Variants in AXDND1 observed in about 807,000 individuals in gnomAD.
AXDND1 encodes axonemal dynein light chain domain containing 1, also known as axonemal dynein light chain domain-containing protein 1.
AXDND1 carries 110 observed loss-of-function variants against 137.5 expected under a neutral mutation model. The ratio of observed to expected loss-of-function variants is 0.80; its 90% CI spans 0.69 to 0.94. AXDND1 has a LOEUF of 0.94. Among genes scored for constraint, AXDND1 ranks in the 40% least tolerant of loss-of-function variants. The probability of loss-of-function intolerance (pLI) is 0.00; values close to 1 mark genes in which losing one functional copy is unlikely to be tolerated. For synonymous variants in AXDND1, 414 were observed against 399.7 expected (o/e 1.04, Z -0.43); for missense variants, 1,191 against 1,169.8 (o/e 1.02, Z -0.26).
intron 20 of AXDND1, chr1:179,507,037 T>G: frequency 2.8e-6 from 1 of 355,478 alleles, no homozygotes; most frequent in Non-Finnish European, 3.9e-6. Context: ...TAAAAGACTC[T>G]CCTGTGGCCT....
chr1:179,502,741 A>G (rs1447003980), intron 20 of AXDND1, among the ~76,000 whole-genome samples: 2 of 151,950 alleles, frequency 1.3e-5, no homozygotes, highest in African/African-American at 4.8e-5. Context: ...AAACAATTCT[A>G]TTCATCTGTC....
chr1:179,422,205 A>C, intron 12 of AXDND1, among the ~76,000 whole-genome samples: 1 of 152,006 alleles, frequency 6.6e-6, no homozygotes, highest in East Asian at 1.9e-4. Context: ...GTGCATTGTT[A>C]GGTTATTTCC....
intron 17 of AXDND1, among the ~76,000 whole-genome samples, chr1:179,479,849 C>T (rs1211962747): frequency 6.6e-6 from 1 of 152,190 alleles, no homozygotes; most frequent in Non-Finnish European, 1.5e-5. Context: ...GCTCATAGTT[C>T]CACAAATCTC....
intron 11 of AXDND1, among the ~76,000 whole-genome samples, chr1:179,398,989 G>T (rs1275410604): frequency 6.6e-6 from 1 of 152,184 alleles, no homozygotes; most frequent in Non-Finnish European, 1.5e-5. Context: ...ACACACATGG[G>T]CCAGCAAAGT....
intron 17 of AXDND1, among the ~76,000 whole-genome samples, chr1:179,471,854 C>T (rs1370423262): frequency 1.3e-5 from 2 of 151,954 alleles, no homozygotes; most frequent in African/African-American, 4.8e-5. Context: ...CTATAAATTT[C>T]CCTCTAAGGA....
At chr1:179,449,779 A>AT (rs1482198993) in intron 16 of AXDND1, 3 of 151,776 alleles carry the variant, frequency 2.0e-5, no homozygotes, top group East Asian at 1.9e-4. Flanking sequence ...GTGAATGAAG[A>AT]TTTTTTCTCA....
rs577373410 is a variant in AXDND1 at position 179,507,708 on chromosome 1, G to A, written c.2389-1588G>A. Reference sequence around the variant, plus strand: ...ATCAGGGCTTCCCCCAACTCCCTCAGAAATGGTTGTTAAACATTTACCAGG... The same window carrying A: ...ATCAGGGCTTCCCCCAACTCCCTCAAAAATGGTTGTTAAACATTTACCAGG... On this transcript the variant is annotated intron_variant, in intron 20 of 25. Coordinates refer to ENST00000367618, the MANE Select transcript of AXDND1 (RefSeq NM_144696.6). Among the ~76,000 whole-genome samples, 150 of 151,894 alleles carry A rather than the reference G, an allele frequency of 9.9e-4. 1 individual carries two copies. The highest frequency in any genetic ancestry group is 3.4e-4 in the Non-Finnish European group (23 of 67,976).
intron 10 of AXDND1, among the ~76,000 whole-genome samples, chr1:179,394,343 C>T (rs948660775): frequency 6.6e-6 from 1 of 152,150 alleles, no homozygotes; most frequent in African/African-American, 2.4e-5. Context: ...AATCCCAGCA[C>T]TTTGGGAGGC....
rs947269226 is a variant in AXDND1 at position 179,393,604 on chromosome 1, T to C, written c.864-299T>C. Among the ~76,000 whole-genome samples, 9 of 152,202 alleles carry C rather than the reference T, an allele frequency of 5.9e-5. No individual in the cohort carries two copies. The East Asian group carries it at 1.5e-3, about 26-fold the overall frequency. On this transcript the variant is annotated intron_variant, in intron 9 of 25. Coordinates refer to ENST00000367618, the MANE Select transcript of AXDND1 (RefSeq NM_144696.6). ...TATTGATTCTACCCATCCATGAACATGGGATGTGTTTCCATTTGTTTGTGT... is the reference window on the plus strand; with the variant it reads ...TATTGATTCTACCCATCCATGAACACGGGATGTGTTTCCATTTGTTTGTGT...
At chr1:179,473,343 T>G (rs12133049) in intron 17 of AXDND1, among the ~76,000 whole-genome samples, 1 of 151,466 alleles carries the variant, frequency 6.6e-6, no homozygotes, top group Non-Finnish European at 1.5e-5. Context: ...ACTAAAAATA[T>G]AAAAATTAGC....
At chr1:179,431,014 G>A (rs1657289076) in intron 14 of AXDND1, among the ~76,000 whole-genome samples, 1 of 152,194 alleles carries the variant, frequency 6.6e-6, no homozygotes, top group African/African-American at 2.4e-5. Flanking sequence ...GCAATGATTA[G>A]AGAAATCTGA....
At chr1:179,531,836 TA>T (rs1179897899) in intron 23 of AXDND1, among the ~76,000 whole-genome samples, 1 of 152,212 alleles carries the variant, frequency 6.6e-6, no homozygotes, top group Non-Finnish European at 1.5e-5. Flanking sequence ...AGACGGAGAC[TA>T]ACTGGAAGCT....
chr1:179,527,835 T>G (rs940007806), intron 22 of AXDND1, among the ~76,000 whole-genome samples: 16 of 152,140 alleles, frequency 1.1e-4, no homozygotes, highest in African/African-American at 1.7e-4. Context: ...CCATTACTAC[T>G]GCAACTACTG....
Position 179,496,305 on chromosome 1 carries a change from T to C in AXDND1, c.2388+3354T>C, listed in dbSNP as rs748985907. Among the ~76,000 whole-genome samples the C allele has an allele frequency of 9.9e-5, 15 of 152,090 alleles. 1 individual carries two copies. Among genetic ancestry groups the C allele is most frequent in the Non-Finnish European group, 1.6e-4 (11 of 67,922 alleles). ...ATTGTTTATTTCTTCCATAAATGTT[T>C]GGTAGAATTCACCAGTGAAGCATCT... On this transcript the variant is annotated intron_variant, in intron 20 of 25. Transcript: ENST00000367618.
chr1:179,553,060 T>G (rs1673553582), intron 25 of AXDND1, among the ~76,000 whole-genome samples: 1 of 152,252 alleles, frequency 6.6e-6, no homozygotes, highest in Non-Finnish European at 1.5e-5. Context: ...CATCCAAGTT[T>G]ATAAAAGAGA....
chr1:179,464,028 G>A (rs947923971), intron 16 of AXDND1, among the ~76,000 whole-genome samples: 2 of 152,058 alleles, frequency 1.3e-5, no homozygotes, highest in African/African-American at 2.4e-5. Context: ...CATGAGATTG[G>A]TCTCCTGAAT....
chr1:179,371,719 G>C (rs531016365), intron 4 of AXDND1, among the ~76,000 whole-genome samples: 2 of 152,312 alleles, frequency 1.3e-5, no homozygotes, highest in South Asian at 4.1e-4. Flanking sequence ...GGGTCAGAGA[G>C]ATGAGAAAGG....
At position 179,492,806 on chromosome 1, in the gene AXDND1, G is replaced by A. The variant is rs1350778916; in HGVS notation, c.2292-49G>A. On this transcript the variant is annotated intron_variant, in intron 19 of 25. Coordinates refer to ENST00000367618, the MANE Select transcript of AXDND1 (RefSeq NM_144696.6). ...GAACCAGCAATAAATAGGTTATGCT[G>A]AGTGTGTATTTGCTCTTTTTCTTTT... 5 of 1,255,270 alleles carry A rather than the reference G, an allele frequency of 4.0e-6. No homozygotes were observed. The East Asian group carries it at 9.5e-5, about 24-fold the overall frequency. 77.8% of individuals were successfully genotyped at this position (1,255,270 alleles called of 1,614,324 possible).
At chr1:179,470,950 A>G (rs979051431) in intron 17 of AXDND1, among the ~76,000 whole-genome samples, 1 of 152,114 alleles carries the variant, frequency 6.6e-6, no homozygotes, top group African/African-American at 2.4e-5. Flanking sequence ...GCATGCTTTT[A>G]CATAAAAAAG....
Sources: gnomAD v4.1 joint callset for allele counts (sites outside exome capture counted in the v4.1 genomes callset) on GRCh38, gnomAD v4.1.1 for gene constraint, MANE v1.5 for transcripts, NCBI Gene and HGNC (gene_info 2026-07-23, HGNC 2026-07-21) for gene names.